INO80: variants seen among roughly 807,000 people sequenced by gnomAD.
INO80 encodes chromatin-remodeling ATPase INO80.
Under a neutral mutation model 203.4 loss-of-function variants are expected in INO80, and 20 were observed. The ratio of observed to expected loss-of-function variants is 0.10; its 90% confidence interval spans 0.07 to 0.14. The LOEUF (loss-of-function observed/expected upper bound fraction) is 0.14, where lower values mean the gene tolerates loss of function less well. INO80 is among the 10% of genes least tolerant of loss of function. The pLI is 1.00. For missense variants in INO80, 1,419 were observed against 1,914.4 expected (o/e 0.74, Z 4.83); for synonymous variants, 726 against 685.2 (o/e 1.06, Z -0.93).
chr15:41,041,575 G>A (rs2044668733), intron 24 of INO80, among the ~76,000 whole-genome samples: 1 of 151,540 alleles, frequency 6.6e-6, no homozygotes, highest in Non-Finnish European at 1.5e-5. Flanking sequence ...CTAGTAGTTG[G>A]GATTACAGGC....
At chr15:41,097,861 G>A (rs1461152993) in intron 1 of INO80, among the ~76,000 whole-genome samples, 1 of 151,750 alleles carries the variant, frequency 6.6e-6, no homozygotes, top group Non-Finnish European at 1.5e-5. Flanking sequence ...ACTGAGGCAG[G>A]AGAATCACTT....
intron 6 of INO80, 84 bp from the exon 7 acceptor site, chr15:41,085,667 C>A: frequency 9.7e-7 from 1 of 1,026,292 alleles, no homozygotes; most frequent in East Asian, 2.5e-5. Flanking sequence ...ATGCAAGGTT[C>A]TTTCCTTATT....
At chr15:41,112,834 A>G (rs1323133048) in intron 1 of INO80, among the ~76,000 whole-genome samples, 1 of 151,200 alleles carries the variant, frequency 6.6e-6, no homozygotes, top group Non-Finnish European at 1.5e-5. Flanking sequence ...GTTTTCCTAC[A>G]AAAACTTAGT....
At chr15:41,047,810 G>A (rs1352292663) in intron 22 of INO80, among the ~76,000 whole-genome samples, 1 of 152,168 alleles carries the variant, frequency 6.6e-6, no homozygotes, top group Non-Finnish European at 1.5e-5. Flanking sequence ...GAAAAGGACA[G>A]GACAGAGGTG....
chr15:41,044,912 A>G lies in INO80; in HGVS notation c.2899T>C (p.Leu967=). 6.2e-7 allele frequency: 1 copy of G among 1,602,026 alleles called. No homozygotes were observed. Among genetic ancestry groups the G allele is most frequent in the Non-Finnish European group, 8.5e-7 (1 of 1,176,902 alleles). ...LSFPNLCSCP[L]LKSLVFSSHC... is the part of the protein sequence containing the mutation. Reference sequence around the variant, plus strand: ...CTCAAATAATTGCTTACCTTTAACAAAGGGCAGCTGCAAAGGTTTGGAAAG... The same window carrying G: ...CTCAAATAATTGCTTACCTTTAACAGAGGGCAGCTGCAAAGGTTTGGAAAG... Residue 967 remains leucine (L), a synonymous_variant, in exon 24 of 36, where the codon TTG becomes CTG. Coordinates refer to ENST00000648947, the MANE Select transcript of INO80 (RefSeq NM_017553.3).
chr15:41,110,091 C>T (rs530637857), intron 1 of INO80, among the ~76,000 whole-genome samples: 1 of 148,246 alleles, frequency 6.7e-6, no homozygotes, highest in Non-Finnish European at 1.5e-5. Flanking sequence ...GAAACTCCGT[C>T]TCAAAAAAAA....
At chr15:41,004,571 C>T (rs1235301995) in intron 28 of INO80, 6 of 152,148 alleles carry the variant, frequency 3.9e-5, no homozygotes, top group Non-Finnish European at 7.3e-5. Context: ...TCAACAGACC[C>T]GTCACTAGTG....
chr15:41,006,374 ATC>A (rs1418162941), intron 27 of INO80, among the ~76,000 whole-genome samples: 2 of 152,188 alleles, frequency 1.3e-5, no homozygotes, highest in African/African-American at 2.4e-5. Context: ...CTCTTTTGTT[ATC>A]TCTGATTATG....
chr15:41,010,322 T>A (rs1171932199), intron 27 of INO80, among the ~76,000 whole-genome samples: 2 of 151,222 alleles, frequency 1.3e-5, no homozygotes, highest in Non-Finnish European at 3.0e-5. Context: ...TCTCTTTTAA[T>A]TTTTTTTCCC....
rs188940924 is a variant in INO80 at position 41,107,787 on chromosome 15, G to A, written c.-44+8186C>T. On this transcript the variant is annotated intron_variant, in intron 1 of 35. Coordinates refer to ENST00000648947, the MANE Select transcript of INO80 (RefSeq NM_017553.3). ...TGCACTTCAGCCTGGGCAACAGAGCGAGACTATGTCTCAATAAATAAATAA... is the reference window on the plus strand; with the variant it reads ...TGCACTTCAGCCTGGGCAACAGAGCAAGACTATGTCTCAATAAATAAATAA... 3.6e-4 allele frequency among the ~76,000 whole-genome samples: 54 copies of A among 150,704 alleles called. No homozygotes were observed. In the East Asian group the frequency reaches 9.6e-3, roughly 27 times the overall value.
intron 26 of INO80, among the ~76,000 whole-genome samples, chr15:41,020,293 C>A (rs980995471): frequency 1.3e-5 from 2 of 152,170 alleles, no homozygotes; most frequent in Admixed American, 6.5e-5. Flanking sequence ...CTCCAAGCTA[C>A]CATTCCAGTT....
chr15:40,986,132 G>A (rs2043729193), intron 31 of INO80, among the ~76,000 whole-genome samples: 1 of 152,072 alleles, frequency 6.6e-6, no homozygotes, highest in Non-Finnish European at 1.5e-5. Flanking sequence ...GAAAACACAT[G>A]GGAGGAGGGT....
rs538198442 is a variant in INO80, at chr15:41,106,206, A to T, written c.-44+9767T>A. 3.9e-5 allele frequency among the ~76,000 whole-genome samples: 6 copies of T among 152,194 alleles called. No homozygotes were observed. In the East Asian group the frequency reaches 1.2e-3, roughly 29 times the overall value. On this transcript the variant is annotated intron_variant, in intron 1 of 35. Coordinates refer to ENST00000648947, the MANE Select transcript of INO80 (RefSeq NM_017553.3). ...TGAGACCAGCCTGGGCAACATAGCGAAATCCTGTCTGCATGAAAAATACAA... is the reference window on the plus strand; with the variant it reads ...TGAGACCAGCCTGGGCAACATAGCGTAATCCTGTCTGCATGAAAAATACAA...
Position 40,983,019 on chromosome 15 carries a change from G to C in INO80, c.4296C>G (p.Gly1432=). Reference sequence around the variant, plus strand: ...CTGTGCTTCCTGAACCTTTGGGGCGGCCTCGGCTTCGGGCTGAGTGACCAC... The same window carrying C: ...CTGTGCTTCCTGAACCTTTGGGGCGCCCTCGGCTTCGGGCTGAGTGACCAC... ...AGRGHSARSR[G]RPKGSGSTAK... The change falls in exon 35 of 36, where the codon GGC becomes GGG. Residue 1432 remains glycine (G), a synonymous_variant. Coordinates refer to ENST00000648947, the MANE Select transcript of INO80 (RefSeq NM_017553.3). 6.2e-7 allele frequency: 1 copy of C among 1,614,056 alleles called. No individual in the cohort carries two copies. Among genetic ancestry groups the C allele is most frequent in the Non-Finnish European group, 8.5e-7 (1 of 1,180,022 alleles).
At chr15:40,989,792 T>C (rs1029236675) in intron 29 of INO80, among the ~76,000 whole-genome samples, 2 of 152,202 alleles carry the variant, frequency 1.3e-5, no homozygotes, top group African/African-American at 4.8e-5. Context: ...TATTTTCTAT[T>C]CTTTCCTAAC....
At chr15:41,056,760 TA>T in intron 16 of INO80, 54 bp from the exon 17 acceptor site, 2 of 1,478,476 alleles carry the variant, frequency 1.4e-6, no homozygotes, top group Non-Finnish European at 1.9e-6. Context: ...GTTCTTTAAT[TA>T]TCCTACTGAG....
rs377471162 is a variant in INO80 at position 41,077,994 on chromosome 15, G to A, written c.1131+1707C>T. On this transcript the variant is annotated intron_variant, in intron 9 of 35. Transcript: ENST00000648947. ...CAGCTCACTGCAACCTCCACCTCCCGGGTTCAAGCAATTCTCTGCCTCAGC... is the reference window on the plus strand; with the variant it reads ...CAGCTCACTGCAACCTCCACCTCCCAGGTTCAAGCAATTCTCTGCCTCAGC... Among the ~76,000 whole-genome samples, 14 of 150,712 alleles carry A rather than the reference G, an allele frequency of 9.3e-5. No homozygotes were observed. In the South Asian group the frequency reaches 1.7e-3, roughly 18 times the overall value.
At chr15:41,047,217 G>A (rs1056439645) in intron 23 of INO80, among the ~76,000 whole-genome samples, 191 bp downstream of exon 23, 4 of 152,092 alleles carry the variant, frequency 2.6e-5, no homozygotes, top group East Asian at 3.8e-4. Context: ...CACCCGCCTC[G>A]GCCTCCCAAA....
intron 9 of INO80, 71 bp downstream of exon 9, chr15:41,079,629 TC>T (rs2045455806): frequency 1.4e-6 from 2 of 1,442,688 alleles, no homozygotes; most frequent in Non-Finnish European, 1.9e-6. Context: ...TGTACAATTT[TC>T]AAAATGCAAA....
Sources: allele counts gnomAD v4.1 joint callset (sites outside exome capture counted in the v4.1 genomes callset), GRCh38; gene constraint gnomAD v4.1.1; transcripts MANE v1.5; gene names NCBI Gene and HGNC (gene_info 2026-07-23, HGNC 2026-07-21).